Variants in TBC1D19 observed in about 807,000 individuals in gnomAD.
The protein encoded by TBC1D19 is TBC1 domain family, member 19.
A neutral mutation model predicts 89.0 loss-of-function variants in TBC1D19; 60 were observed. The ratio of observed to expected loss-of-function variants is 0.67; its 90% confidence interval spans 0.55 to 0.84. The LOEUF (loss-of-function observed/expected upper bound fraction) is 0.84, where lower values mean the gene tolerates loss of function less well. Among genes scored for constraint, TBC1D19 ranks in the 40% least tolerant of loss-of-function variants. The pLI, the probability that TBC1D19 is intolerant of heterozygous loss-of-function variation, is 0.00. For missense variants in TBC1D19, 500 were observed against 610.8 expected (o/e 0.82, Z 1.91); for synonymous variants, 189 against 199.7 (o/e 0.95, Z 0.45).
At chr4:26,855,095 C>T in the TBC1D19 span, among the ~76,000 whole-genome samples, 1 of 152,176 alleles carries the variant, frequency 6.6e-6, no homozygotes, top group African/African-American at 2.4e-5. Flanking sequence ...TATTTTTCTG[C>T]CTCCTTCTGT....
In TBC1D19 at chr4:26,618,685, A is replaced by G. The variant is rs537477483; in HGVS notation, c.219-1928A>G. On this transcript the variant is annotated intron_variant, in intron 3 of 20. Coordinates refer to ENST00000264866, the MANE Select transcript of TBC1D19 (RefSeq NM_018317.4). The stretch of plus-strand genomic sequence containing the variant: ...TACTGTGTACCAGGCATTTTGCTCA[A>G]TGCTGGAGTTACAATTACTGGTGAA... Among the ~76,000 whole-genome samples the G allele has an allele frequency of 5.3e-5, 8 of 152,332 alleles. No individual in the cohort carries two copies. In the South Asian group the frequency reaches 1.7e-3, roughly 32 times the overall value.
chr4:26,623,467 C>G (rs1448418355), intron 4 of TBC1D19, among the ~76,000 whole-genome samples: 2 of 152,104 alleles, frequency 1.3e-5, no homozygotes, highest in South Asian at 2.1e-4. Context: ...TCATTTTAAG[C>G]ATTTCTCACT....
chr4:26,643,284 C>T (rs934006563), intron 7 of TBC1D19, among the ~76,000 whole-genome samples: 1 of 152,104 alleles, frequency 6.6e-6, no homozygotes, highest in East Asian at 1.9e-4. Flanking sequence ...TACTCAAAAC[C>T]GCACAACTAC....
At chr4:26,670,496 C>T (rs1324241208) in intron 9 of TBC1D19, among the ~76,000 whole-genome samples, 1 of 151,374 alleles carries the variant, frequency 6.6e-6, no homozygotes, top group African/African-American at 2.4e-5. Flanking sequence ...TTTAGTGTTG[C>T]AATTTTATAT....
chr4:26,738,347 A>G (rs1237179702), intron 16 of TBC1D19, among the ~76,000 whole-genome samples: 1 of 151,570 alleles, frequency 6.6e-6, no homozygotes, highest in African/African-American at 2.4e-5. Flanking sequence ...TTCACATATC[A>G]ATATCTAAGA....
At chr4:26,814,952 G>A in the TBC1D19 span, among the ~76,000 whole-genome samples, 1 of 151,806 alleles carries the variant, frequency 6.6e-6, no homozygotes, top group East Asian at 1.9e-4. Context: ...GACCCAGGAA[G>A]TTGAGGCTGC....
At chr4:26,695,484 A>T (rs1560477850) in intron 13 of TBC1D19, among the ~76,000 whole-genome samples, 2 of 152,210 alleles carry the variant, frequency 1.3e-5, no homozygotes, top group Non-Finnish European at 2.9e-5. Flanking sequence ...GCAGGCCAAC[A>T]TTCAAATTAA....
intron 1 of TBC1D19, among the ~76,000 whole-genome samples, chr4:26,579,053 T>C (rs1229264505): frequency 6.6e-6 from 1 of 152,216 alleles, no homozygotes. Context: ...CCTTTCAAAA[T>C]GTCACCACGA....
chr4:26,578,310 A>G (rs996978120), intron 1 of TBC1D19, among the ~76,000 whole-genome samples: 2 of 152,180 alleles, frequency 1.3e-5, no homozygotes, highest in African/African-American at 2.4e-5. Flanking sequence ...ATCTGTGTCC[A>G]TATGGACAAC....
chr4:26,664,353 G>C (rs1225643493), intron 8 of TBC1D19, among the ~76,000 whole-genome samples: 2 of 152,102 alleles, frequency 1.3e-5, no homozygotes, highest in Admixed American at 6.5e-5. Flanking sequence ...CAATGAAGTA[G>C]GAAATTGATG....
chr4:26,607,590 G>T (rs913921621), intron 1 of TBC1D19, among the ~76,000 whole-genome samples: 3 of 152,080 alleles, frequency 2.0e-5, no homozygotes, highest in African/African-American at 7.2e-5. Context: ...GTCCCAAGTG[G>T]TTTTCAAACT....
intron 17 of TBC1D19, 31 bp downstream of exon 17, chr4:26,740,004 A>G (rs1718262484): frequency 2.1e-6 from 3 of 1,396,098 alleles, no homozygotes; most frequent in African/African-American, 1.5e-5. Context: ...TGATCAAATT[A>G]GGTTGGATTG....
intron 8 of TBC1D19, among the ~76,000 whole-genome samples, chr4:26,662,703 C>A (rs1333889421): frequency 1.3e-5 from 2 of 152,136 alleles, no homozygotes; most frequent in Non-Finnish European, 2.9e-5. Flanking sequence ...GCATCTTACT[C>A]TCAGCAGCAA....
At chr4:26,790,885 A>T in the TBC1D19 span, among the ~76,000 whole-genome samples, 1 of 152,190 alleles carries the variant, frequency 6.6e-6, no homozygotes, top group African/African-American at 2.4e-5. Context: ...TCAAATAATT[A>T]TTAAAATAAT....
At chr4:26,727,373 C>T (rs762334585) in intron 15 of TBC1D19, among the ~76,000 whole-genome samples, 2 of 152,120 alleles carry the variant, frequency 1.3e-5, no homozygotes, top group Non-Finnish European at 2.9e-5. Flanking sequence ...ACTGTGTAGC[C>T]TTTTTTTGGA....
At chr4:26,718,360 A>G (rs1314216594) in intron 14 of TBC1D19, among the ~76,000 whole-genome samples, 2 of 151,756 alleles carry the variant, frequency 1.3e-5, no homozygotes, top group Admixed American at 1.3e-4. Context: ...AACAATCTAT[A>G]CTTCTCTCAA....
intron 3 of TBC1D19, among the ~76,000 whole-genome samples, chr4:26,617,550 G>A (rs967262415): frequency 1.3e-5 from 2 of 152,192 alleles, no homozygotes; most frequent in Non-Finnish European, 2.9e-5. Context: ...ATTTCCTATA[G>A]CATCAAATAA....
the TBC1D19 span, among the ~76,000 whole-genome samples, chr4:26,853,051 A>G: frequency 4.6e-4 from 70 of 152,358 alleles, 1 homozygote; most frequent in African/African-American, 1.7e-3. Flanking sequence ...GCGATCCTGT[A>G]AACACATATG....
At chr4:26,804,483 G>T in the TBC1D19 span, among the ~76,000 whole-genome samples, 2 of 152,242 alleles carry the variant, frequency 1.3e-5, no homozygotes, top group African/African-American at 4.8e-5. Context: ...GCTTGGTAAT[G>T]GTGACCGTGG....
Sources: allele counts gnomAD v4.1 joint callset (sites outside exome capture counted in the v4.1 genomes callset), GRCh38; gene constraint gnomAD v4.1.1; transcripts MANE v1.5; gene names NCBI Gene and HGNC (gene_info 2026-07-23, HGNC 2026-07-21).